The following RANBP2 variants were observed in gnomAD, a reference collection of about 807,000 sequenced individuals.
The protein encoded by RANBP2 is RAN binding protein 2, also known as E3 SUMO-protein ligase RanBP2.
Under a neutral mutation model 303.6 loss-of-function variants are expected in RANBP2, and 57 were observed. That is an observed-to-expected ratio of 0.19 (90% CI 0.15 to 0.23). The LOEUF (loss-of-function observed/expected upper bound fraction) is 0.23, where lower values mean the gene tolerates loss of function less well. RANBP2 is among the 10% of genes least tolerant of loss of function. The pLI is 1.00. For synonymous variants in RANBP2, 1,167 were observed against 1,301.5 expected (o/e 0.90, Z 2.23); for missense variants, 3,138 against 3,780.8 (o/e 0.83, Z 4.46).
the RANBP2 span, among the ~76,000 whole-genome samples, chr2:109,442,451 A>G: frequency 3.3e-5 from 5 of 152,238 alleles, no homozygotes; most frequent in African/African-American, 1.2e-4. Flanking sequence ...CTACATAGAT[A>G]AATATATAAG....
At chr2:109,649,314 T>C in the RANBP2 span, among the ~76,000 whole-genome samples, 1 of 152,282 alleles carries the variant, frequency 6.6e-6, no homozygotes, top group African/African-American at 2.4e-5. Context: ...GTTGAAGCTT[T>C]CTAATATGAG....
At chr2:109,083,802 T>A in the RANBP2 span, among the ~76,000 whole-genome samples, 1 of 152,274 alleles carries the variant, frequency 6.6e-6, no homozygotes, top group East Asian at 1.9e-4. Flanking sequence ...CTTTACCCAG[T>A]GTCATCACCT....
At chr2:109,429,378 C>T in the RANBP2 span, among the ~76,000 whole-genome samples, 1 of 152,032 alleles carries the variant, frequency 6.6e-6, no homozygotes. Context: ...ATTCCAGTTC[C>T]CCCAGCAACC....
At chr2:108,739,817 C>G (rs1312999215) in intron 6 of RANBP2, among the ~76,000 whole-genome samples, 1 of 152,054 alleles carries the variant, frequency 6.6e-6, no homozygotes, top group Non-Finnish European at 1.5e-5. Flanking sequence ...AACCCTGTCT[C>G]TACTAGAAAT....
chr2:109,537,976 CACAA>C, the RANBP2 span, among the ~76,000 whole-genome samples: 17 of 151,934 alleles, frequency 1.1e-4, no homozygotes, highest in African/African-American at 2.9e-4. Context: ...CACACACACA[CACAA>C]ACACACACAC....
chr2:109,250,078 CAGT>C, the RANBP2 span, among the ~76,000 whole-genome samples: 1 of 149,198 alleles, frequency 6.7e-6, no homozygotes, highest in Non-Finnish European at 1.5e-5. Flanking sequence ...GAGGGCAAAA[CAGT>C]AGGTGTTCCT....
At chr2:109,369,891 A>C in the RANBP2 span, among the ~76,000 whole-genome samples, 1 of 152,314 alleles carries the variant, frequency 6.6e-6, no homozygotes, top group East Asian at 1.9e-4. Context: ...GTAAGTCCCG[A>C]ATTGCTGCTT....
At chr2:109,025,495 G>C in the RANBP2 span, among the ~76,000 whole-genome samples, 1 of 152,100 alleles carries the variant, frequency 6.6e-6, no homozygotes, top group Non-Finnish European at 1.5e-5. Context: ...ATATTTTCTG[G>C]AAAAAGTCCA....
At chr2:108,787,908 A>T, downstream of RANBP2, 1 of 815,440 alleles carries the variant, frequency 1.2e-6, no homozygotes, top group Non-Finnish European at 1.9e-6. Context: ...CACTTGGTTA[A>T]GATGGTGTCT....
At chr2:109,155,412 C>T in the RANBP2 span, among the ~76,000 whole-genome samples, 1 of 152,178 alleles carries the variant, frequency 6.6e-6, no homozygotes, top group South Asian at 2.1e-4. Context: ...CTGCCATTCT[C>T]CTGCCTCGGC....
At chr2:108,812,652 A>G in the RANBP2 span, 1 of 1,612,904 alleles carries the variant, frequency 6.2e-7, no homozygotes, top group Non-Finnish European at 8.5e-7. Context: ...AAGTGAAGAA[A>G]ACAGGAAGAT....
chr2:108,731,423 T>G lies in RANBP2; in HGVS notation c.354T>G (p.Leu118=), dbSNP rs774965583. Residue 118 remains leucine, a synonymous_variant, in exon 4 of 29, where the codon CTT becomes CTG. Coordinates refer to ENST00000283195, the MANE Select transcript of RANBP2 (RefSeq NM_006267.5). ...DVTDGRAKYW[L]ERAAKLFPGS... is the part of the protein sequence containing the mutation. ...CTGATGGAAGAGCAAAATACTGGCTTGAAAGAGCAGCCAAACTTTTCCCAG... is the reference window on the plus strand; with the variant it reads ...CTGATGGAAGAGCAAAATACTGGCTGGAAAGAGCAGCCAAACTTTTCCCAG... 30 of 1,611,428 alleles carry G rather than the reference T, an allele frequency of 1.9e-5. No homozygotes were observed. The highest frequency in any genetic ancestry group is 6.7e-5 in the African/African-American group (5 of 74,844).
the RANBP2 span, among the ~76,000 whole-genome samples, chr2:109,142,260 C>T: frequency 6.6e-6 from 1 of 152,204 alleles, no homozygotes; most frequent in South Asian, 2.1e-4. Flanking sequence ...CCCACCTCCC[C>T]ACCCACATCC....
chr2:108,767,730 G>A lies in RANBP2; in HGVS notation c.7191G>A (p.Gly2397=), dbSNP rs1677214050. The change falls in exon 20 of 29, where the codon GGG becomes GGA. Residue 2397 remains glycine, a synonymous_variant. Transcript: ENST00000283195. ...ACATGACTTTGCAAAATATGAAAGG[G>A]ACAGAAAGAGTATGGTTGTGGACTG... ...TPDMTLQNMK[G]TERVWLWTAC... is the part of the protein sequence containing the mutation. 6.2e-7 allele frequency: 1 copy of A among 1,612,026 alleles called. No homozygotes were observed. Among genetic ancestry groups the A allele is most frequent in the South Asian group, 1.1e-5 (1 of 90,990 alleles).
the RANBP2 span, among the ~76,000 whole-genome samples, chr2:109,384,153 C>A: frequency 2.6e-5 from 4 of 152,228 alleles, no homozygotes; most frequent in Non-Finnish European, 5.9e-5. Flanking sequence ...TCCTTCCAGG[C>A]CGCCTGGGGT....
At chr2:108,984,296 G>A in the RANBP2 span, among the ~76,000 whole-genome samples, 2 of 152,122 alleles carry the variant, frequency 1.3e-5, no homozygotes, top group Admixed American at 6.5e-5. Flanking sequence ...TACAGCAACC[G>A]GCGTGGCATG....
the RANBP2 span, among the ~76,000 whole-genome samples, chr2:109,192,511 C>G: frequency 1.3e-5 from 2 of 152,100 alleles, no homozygotes; most frequent in Non-Finnish European, 2.9e-5. Flanking sequence ...TCAGAGTAAG[C>G]CTTTCTTATA....
chr2:108,770,468 A>G (rs1374311859), intron 20 of RANBP2, among the ~76,000 whole-genome samples: 1 of 152,220 alleles, frequency 6.6e-6, no homozygotes, highest in Non-Finnish European at 1.5e-5. Context: ...TGTAATTTAA[A>G]ATTGTCATTT....
the RANBP2 span, among the ~76,000 whole-genome samples, chr2:109,136,555 A>C: frequency 1.3e-5 from 2 of 152,140 alleles, no homozygotes; most frequent in African/African-American, 4.8e-5. Flanking sequence ...TGCTTTCTTT[A>C]GGCTCTCCTG....
Sources: allele counts gnomAD v4.1 joint callset (sites outside exome capture counted in the v4.1 genomes callset), GRCh38; gene constraint gnomAD v4.1.1; transcripts MANE v1.5; gene names NCBI Gene and HGNC (gene_info 2026-07-23, HGNC 2026-07-21).